The following CABCOCO1 variants were observed in gnomAD, a reference collection of about 807,000 sequenced individuals.
The protein encoded by CABCOCO1 is ciliary-associated calcium-binding coiled-coil protein 1.
A neutral mutation model predicts 35.7 loss-of-function variants in CABCOCO1; 28 were observed. The observed-to-expected ratio is 0.78, with a 90% CI of 0.58 to 1.07. CABCOCO1 has a LOEUF of 1.07. CABCOCO1 is among the 50% of genes least tolerant of loss of function. The pLI is 0.00. For missense variants in CABCOCO1, 326 were observed against 309.2 expected (o/e 1.05, Z -0.41); for synonymous variants, 95 against 100.1 (o/e 0.95, Z 0.30).
chr10:61,690,659 T>A (rs1449847642), intron 5 of CABCOCO1, 38 bp downstream of exon 5: 1 of 1,318,702 alleles, frequency 7.6e-7, no homozygotes, highest in Non-Finnish European at 1.1e-6. Flanking sequence ...TTAAGCAGAA[T>A]CACTTAATGC....
At chr10:61,703,269 C>T (rs1589131310) in intron 5 of CABCOCO1, among the ~76,000 whole-genome samples, 2 of 148,700 alleles carry the variant, frequency 1.3e-5, no homozygotes, top group African/African-American at 5.0e-5. Context: ...CACACACACA[C>T]TCTAAACAGC....
chr10:61,742,225 A>T (rs1322969046), intron 5 of CABCOCO1, among the ~76,000 whole-genome samples: 6 of 152,202 alleles, frequency 3.9e-5, no homozygotes, highest in Admixed American at 2.6e-4. Flanking sequence ...GAGTGAAGAA[A>T]AAAAGCTTCT....
chr10:61,721,010 C>T (rs775903430), intron 5 of CABCOCO1, among the ~76,000 whole-genome samples: 3 of 138,636 alleles, frequency 2.2e-5, no homozygotes, highest in Admixed American at 8.1e-5. Context: ...CTGCAAACTC[C>T]GCCTCCCGGG....
At chr10:61,711,962 C>T (rs945253499) in intron 5 of CABCOCO1, among the ~76,000 whole-genome samples, 2 of 151,722 alleles carry the variant, frequency 1.3e-5, no homozygotes, top group Non-Finnish European at 3.0e-5. Context: ...AAAAAACATA[C>T]ATGTGCATGA....
chr10:61,687,232 G>C (rs1839992366), intron 4 of CABCOCO1, among the ~76,000 whole-genome samples: 1 of 152,096 alleles, frequency 6.6e-6, no homozygotes, highest in Admixed American at 6.6e-5. Flanking sequence ...TTAAAACGTA[G>C]CTCCTAAGGG....
At chr10:61,735,937 G>C (rs1477666447) in intron 5 of CABCOCO1, among the ~76,000 whole-genome samples, 1 of 152,028 alleles carries the variant, frequency 6.6e-6, no homozygotes, top group Non-Finnish European at 1.5e-5. Flanking sequence ...TCACATGCTT[G>C]TTGGCCGAAA....
chr10:61,749,810 G>A (rs1177717338), intron 5 of CABCOCO1, among the ~76,000 whole-genome samples: 1 of 152,160 alleles, frequency 6.6e-6, no homozygotes, highest in Non-Finnish European at 1.5e-5. Flanking sequence ...CATTGGCTGA[G>A]TTATTTAACC....
intron 5 of CABCOCO1, among the ~76,000 whole-genome samples, chr10:61,698,165 G>T (rs1589128534): frequency 6.6e-6 from 1 of 152,114 alleles, no homozygotes; most frequent in East Asian, 1.9e-4. Context: ...TTTGTGTTTG[G>T]ATATAAAAAC....
intron 4 of CABCOCO1, among the ~76,000 whole-genome samples, chr10:61,689,567 T>A (rs895696640): frequency 2.6e-5 from 4 of 152,176 alleles, no homozygotes; most frequent in Admixed American, 1.3e-4. Flanking sequence ...GAAACTTTGA[T>A]CCATTACAAC....
chr10:61,680,085 C>A (rs545679280), intron 2 of CABCOCO1, among the ~76,000 whole-genome samples: 5 of 151,728 alleles, frequency 3.3e-5, no homozygotes, highest in Admixed American at 3.3e-4. Context: ...CCAAGGCGGG[C>A]AGATCACTTG....
At chr10:61,740,709 A>G (rs531171468) in intron 5 of CABCOCO1, among the ~76,000 whole-genome samples, 3 of 152,320 alleles carry the variant, frequency 2.0e-5, no homozygotes, top group South Asian at 4.1e-4. Flanking sequence ...AAATTGACTT[A>G]TTTACTGAGA....
At position 61,681,234 on chromosome 10, in the gene CABCOCO1, G is replaced by T. The variant is rs769265944; in HGVS notation, c.256G>T (p.Ala86Ser). ...TTATTATGTATCTGGATTTTTGTGG[G>T]CTAGAGGAATGGATTTCTCTATTAT... ...LDYYVSGFLW[A>S]RGMDFSIIQY... The change falls in exon 3 of 8, where the codon GCT becomes TCT. Residue 86 changes from alanine to serine, a missense_variant. Transcript: ENST00000648843. 1.9e-6 allele frequency: 3 copies of T among 1,569,552 alleles called. No individual in the cohort carries two copies. In the Admixed American group the frequency reaches 5.5e-5, roughly 29 times the overall value.
At chr10:61,712,043 T>C (rs1343497501) in intron 5 of CABCOCO1, among the ~76,000 whole-genome samples, 1 of 152,118 alleles carries the variant, frequency 6.6e-6, no homozygotes, top group African/African-American at 2.4e-5. Context: ...TTCTAGATCC[T>C]TGAGGAATCG....
intron 1 of CABCOCO1, among the ~76,000 whole-genome samples, chr10:61,663,777 C>G (rs1488608877): frequency 1.3e-5 from 2 of 152,118 alleles, no homozygotes; most frequent in African/African-American, 2.4e-5. Flanking sequence ...TACTCATAAA[C>G]TTAATATCCT....
chr10:61,680,957 C>T (rs192520061), intron 2 of CABCOCO1, among the ~76,000 whole-genome samples, 186 bp from the exon 3 acceptor site: 153 of 151,240 alleles, frequency 1.0e-3, no homozygotes, highest in Admixed American at 8.1e-3. Context: ...AGAGTTTGCT[C>T]CCCCATCCTC....
chr10:61,709,695 A>T (rs200812020), intron 5 of CABCOCO1, among the ~76,000 whole-genome samples: 2,357 of 112,822 alleles, frequency 0.021, 39 homozygotes, highest in East Asian at 0.069. Flanking sequence ...CTCAAATTTA[A>T]AAAAAAAAAA....
At chr10:61,699,898 T>C (rs1186505770) in intron 5 of CABCOCO1, among the ~76,000 whole-genome samples, 1 of 152,146 alleles carries the variant, frequency 6.6e-6, no homozygotes, top group East Asian at 1.9e-4. Context: ...GTTACATACA[T>C]TCACCTAGTG....
chr10:61,682,168 A>G (rs957405016), intron 3 of CABCOCO1, among the ~76,000 whole-genome samples: 5 of 152,198 alleles, frequency 3.3e-5, no homozygotes, highest in African/African-American at 1.2e-4. Context: ...CCTGTAACTT[A>G]TAACTGACTC....
intron 2 of CABCOCO1, among the ~76,000 whole-genome samples, chr10:61,678,925 G>A (rs1479102039): frequency 1.3e-5 from 2 of 152,134 alleles, no homozygotes. Context: ...CACCACTGTA[G>A]ATGAAATGCA....
Sources: allele counts gnomAD v4.1 joint callset (sites outside exome capture counted in the v4.1 genomes callset), GRCh38; gene constraint gnomAD v4.1.1; transcripts MANE v1.5; gene names NCBI Gene and HGNC (gene_info 2026-07-23, HGNC 2026-07-21).